GPD2: variants seen among roughly 807,000 people sequenced by gnomAD.
GPD2 encodes glycerol-3-phosphate dehydrogenase 2, also known as glycerol-3-phosphate dehydrogenase, mitochondrial.
GPD2 carries 54 observed loss-of-function variants against 82.4 expected under a neutral mutation model. The ratio of observed to expected loss-of-function variants is 0.66; its 90% CI spans 0.53 to 0.82. The LOEUF (loss-of-function observed/expected upper bound fraction) is 0.82, where lower values mean the gene tolerates loss of function less well. GPD2 is among the 40% of genes least tolerant of loss of function. The pLI is 0.00. For missense variants in GPD2, 748 were observed against 896.2 expected (o/e 0.83, Z 2.11); for synonymous variants, 288 against 306.1 (o/e 0.94, Z 0.62).
At chr2:156,494,461 T>C (rs1242238096) in intron 2 of GPD2, among the ~76,000 whole-genome samples, 1 of 152,218 alleles carries the variant, frequency 6.6e-6, no homozygotes, top group Non-Finnish European at 1.5e-5. Context: ...GCTGGGATCT[T>C]CTGATCCTAA....
At chr2:156,582,005 G>C (rs1479200728) in intron 16 of GPD2, among the ~76,000 whole-genome samples, 1 of 151,934 alleles carries the variant, frequency 6.6e-6, no homozygotes, top group Non-Finnish European at 1.5e-5. Flanking sequence ...GTGCATGTGT[G>C]TATATATTTA....
At chr2:156,533,548 C>T (rs1159541051) in intron 6 of GPD2, among the ~76,000 whole-genome samples, 1 of 152,170 alleles carries the variant, frequency 6.6e-6, no homozygotes, top group African/African-American at 2.4e-5. Context: ...TAAAAATCTG[C>T]TCTCCAGAAA....
chr2:156,449,492 G>C (rs1358833051), intron 1 of GPD2, among the ~76,000 whole-genome samples: 3 of 152,114 alleles, frequency 2.0e-5, no homozygotes, highest in Non-Finnish European at 4.4e-5. Flanking sequence ...AGATTTTGTT[G>C]GGTAGAGTTG....
chr2:156,509,765 C>CT lies in GPD2; in HGVS notation c.275-1012dup, dbSNP rs60361072. 9.1e-3 allele frequency among the ~76,000 whole-genome samples: 1,073 copies of CT among 117,352 alleles called. 19 individuals are homozygous for CT. Among genetic ancestry groups the CT allele is most frequent in the Non-Finnish European group, 0.014 (815 of 59,656 alleles). The allele number at this position is 117,352 out of a possible 152,430, so 77.0% of individuals were successfully genotyped here. A position where few individuals can be genotyped will look rare whatever the true frequency, so the allele number is the denominator to read the frequency against. On this transcript the variant is annotated intron_variant, in intron 3 of 16. Transcript: ENST00000438166. ...CTTTCCTTATCAAGAATATGTTCTT[C>CT]TTTTTTTTTTTTTTTTTTTATTTCC...
chr2:156,527,111 G>A (rs1685636760), intron 6 of GPD2, among the ~76,000 whole-genome samples: 1 of 152,076 alleles, frequency 6.6e-6, no homozygotes, highest in Non-Finnish European at 1.5e-5. Flanking sequence ...TTCTGCAGAT[G>A]ACACACAGCA....
chr2:156,448,762 T>G (rs1403932303), intron 1 of GPD2, among the ~76,000 whole-genome samples: 1 of 152,132 alleles, frequency 6.6e-6, no homozygotes, highest in Non-Finnish European at 1.5e-5. Context: ...TGGGTAAGAG[T>G]GAGAGGTGTC....
At chr2:156,472,566 C>G (rs1683371479) in intron 1 of GPD2, among the ~76,000 whole-genome samples, 1 of 152,170 alleles carries the variant, frequency 6.6e-6, no homozygotes. Context: ...AAATGATCTA[C>G]CCACCTCAGC....
chr2:156,461,353 C>T (rs1240041315), intron 1 of GPD2, among the ~76,000 whole-genome samples: 3 of 152,022 alleles, frequency 2.0e-5, no homozygotes, highest in African/African-American at 4.8e-5. Context: ...TAAGTTTCAT[C>T]GTATCATTGT....
At chr2:156,492,640 G>A (rs145077717) in intron 2 of GPD2, among the ~76,000 whole-genome samples, 4,097 of 152,154 alleles carry the variant, frequency 0.027, 97 homozygotes, top group Non-Finnish European at 0.044. Context: ...GGGTAAATGT[G>A]TGAAGGCCTT....
intron 6 of GPD2, among the ~76,000 whole-genome samples, chr2:156,516,509 G>T (rs893711903): frequency 2.6e-5 from 4 of 152,216 alleles, no homozygotes; most frequent in Admixed American, 2.0e-4. Flanking sequence ...CATGATCATA[G>T]CTTCCCACAG....
chr2:156,415,139 A>C, the GPD2 span, among the ~76,000 whole-genome samples: 1 of 146,230 alleles, frequency 6.8e-6, no homozygotes, highest in African/African-American at 2.5e-5. Context: ...CAAATCCCCC[A>C]AGTCCATTGT....
At chr2:156,508,462 T>A (rs1008735056) in intron 3 of GPD2, among the ~76,000 whole-genome samples, 3 of 152,088 alleles carry the variant, frequency 2.0e-5, no homozygotes, top group Non-Finnish European at 4.4e-5. Context: ...CAGTTGGGAT[T>A]ACTGGAGACT....
intron 6 of GPD2, among the ~76,000 whole-genome samples, chr2:156,517,238 A>C (rs1216631173): frequency 6.6e-6 from 1 of 152,202 alleles, no homozygotes; most frequent in African/African-American, 2.4e-5. Context: ...GATTACAGGC[A>C]TGAGCCACTT....
chr2:156,418,238 A>G, the GPD2 span, among the ~76,000 whole-genome samples: 1 of 151,334 alleles, frequency 6.6e-6, no homozygotes, highest in Non-Finnish European at 1.5e-5. Flanking sequence ...AAAAAAACCC[A>G]CAAAAATTAG....
At chr2:156,549,582 C>A in intron 6 of GPD2, 26 bp from the exon 7 acceptor site, 1 of 1,610,804 alleles carries the variant, frequency 6.2e-7, no homozygotes, top group South Asian at 1.1e-5. Flanking sequence ...ACTCCTCTCC[C>A]TCCCCTGATG....
chr2:156,419,576 C>T, the GPD2 span, among the ~76,000 whole-genome samples: 4 of 152,158 alleles, frequency 2.6e-5, no homozygotes, highest in Non-Finnish European at 5.9e-5. Flanking sequence ...GGATCTCTTC[C>T]ACTTCCCATA....
intron 1 of GPD2, among the ~76,000 whole-genome samples, chr2:156,453,418 A>G (rs931856100): frequency 6.6e-6 from 1 of 152,212 alleles, no homozygotes; most frequent in Non-Finnish European, 1.5e-5. Context: ...ACTACAGTAG[A>G]TAAACTGAAG....
chr2:156,489,195 GC>G lies in GPD2; in HGVS notation c.103-6847del, dbSNP rs1327679288. 2.0e-5 allele frequency among the ~76,000 whole-genome samples: 3 copies of G among 152,238 alleles called. No individual in the cohort carries two copies. The East Asian group carries it at 5.8e-4, about 29-fold the overall frequency. On this transcript the variant is annotated intron_variant, in intron 2 of 16. Coordinates refer to ENST00000438166, the MANE Select transcript of GPD2 (RefSeq NM_000408.5). Reference sequence around the variant, plus strand: ...ATCCTGGACTAACAAGAGTGCACAAGCCTTGCCTAAGGATGGCAGCTGCTAC... The same window carrying G: ...ATCCTGGACTAACAAGAGTGCACAAGCTTGCCTAAGGATGGCAGCTGCTAC...
chr2:156,571,855 A>G (rs1687652662), intron 13 of GPD2, among the ~76,000 whole-genome samples: 1 of 152,130 alleles, frequency 6.6e-6, no homozygotes, highest in South Asian at 2.1e-4. Context: ...AACTCTTGTG[A>G]TATGCAGAGG....
Sources: gnomAD v4.1 joint callset for allele counts (sites outside exome capture counted in the v4.1 genomes callset) on GRCh38, gnomAD v4.1.1 for gene constraint, MANE v1.5 for transcripts, NCBI Gene and HGNC (gene_info 2026-07-23, HGNC 2026-07-21) for gene names.